Variants in NRXN3 observed in about 807,000 individuals in gnomAD.
NRXN3 encodes the protein neurexin 3.
In NRXN3, 32 loss-of-function variants were observed where a neutral mutation model predicts 137.6. The observed-to-expected ratio is 0.23, with a 90% CI of 0.18 to 0.31. The LOEUF (loss-of-function observed/expected upper bound fraction) is 0.31. NRXN3 is among the 10% of genes least tolerant of loss of function. The probability of loss-of-function intolerance (pLI) is 1.00; values close to 1 mark genes in which losing one functional copy is unlikely to be tolerated. For missense variants in NRXN3, 1,574 were observed against 2,062.5 expected (o/e 0.76, Z 4.59); for synonymous variants, 798 against 784.5 (o/e 1.02, Z -0.29).
At chr14:79,525,227 A>G (rs1475638032) in intron 16 of NRXN3, among the ~76,000 whole-genome samples, 1 of 152,136 alleles carries the variant, frequency 6.6e-6, no homozygotes, top group Non-Finnish European at 1.5e-5. Context: ...ATTTTGGGGT[A>G]TTGTTTACTG....
chr14:79,054,753 A>G (rs2099653641), intron 15 of NRXN3, among the ~76,000 whole-genome samples: 1 of 152,192 alleles, frequency 6.6e-6, no homozygotes, highest in African/African-American at 2.4e-5. Flanking sequence ...AGTTGTTAAC[A>G]GTTTTTAATC....
chr14:78,793,250 AT>A (rs1247848301), intron 8 of NRXN3, among the ~76,000 whole-genome samples: 1 of 152,198 alleles, frequency 6.6e-6, no homozygotes, highest in Admixed American at 6.5e-5. Context: ...AGACATTACA[AT>A]AAAATTCAAG....
At chr14:79,094,155 C>T (rs573074486) in intron 15 of NRXN3, among the ~76,000 whole-genome samples, 138 of 152,088 alleles carry the variant, frequency 9.1e-4, no homozygotes, top group African/African-American at 3.2e-3. Flanking sequence ...TGATCTCTGC[C>T]GGGGAGAAAT....
intron 10 of NRXN3, among the ~76,000 whole-genome samples, chr14:78,896,577 A>G (rs755313805): frequency 2.6e-5 from 4 of 151,848 alleles, no homozygotes; most frequent in Non-Finnish European, 5.9e-5. Flanking sequence ...TTGGTTGAGA[A>G]TTGAGGGAGA....
chr14:78,709,095 T>G, intron 6 of NRXN3, 122 bp from the exon 7 acceptor site: 1 of 787,168 alleles, frequency 1.3e-6, no homozygotes, highest in Non-Finnish European at 2.0e-6. Flanking sequence ...TTGTTTCTCA[T>G]GTTGTTTTGG....
intron 12 of NRXN3, 70 bp downstream of exon 12, chr14:78,966,476 A>G: frequency 6.7e-7 from 1 of 1,500,012 alleles, no homozygotes; most frequent in Admixed American, 2.0e-5. Context: ...AAATATGGAC[A>G]TAAAAATAAC....
intron 20 of NRXN3, among the ~76,000 whole-genome samples, chr14:79,819,616 C>G (rs2141007539): frequency 6.6e-6 from 1 of 151,032 alleles, no homozygotes; most frequent in Admixed American, 6.6e-5. Context: ...GCCTGAGTAG[C>G]TGGGACTAAA....
chr14:79,492,662 G>T (rs1206731662), intron 16 of NRXN3, among the ~76,000 whole-genome samples: 1 of 152,110 alleles, frequency 6.6e-6, no homozygotes, highest in East Asian at 1.9e-4. Context: ...GATTACAGGG[G>T]TTAGCCACCA....
chr14:79,565,308 TACACACAC>T (rs1234959996), intron 16 of NRXN3, among the ~76,000 whole-genome samples: 1 of 132,696 alleles, frequency 7.5e-6, no homozygotes, highest in Admixed American at 7.6e-5. Context: ...TATATACATA[TACACACAC>T]ATGTGTGTGT....
chr14:79,267,282 G>T lies in NRXN3; in HGVS notation c.3263-199939G>T, dbSNP rs566911015. 2.6e-5 allele frequency among the ~76,000 whole-genome samples: 4 copies of T among 151,986 alleles called. No homozygotes were observed. The South Asian group carries it at 6.3e-4, about 24-fold the overall frequency. On this transcript the variant is annotated intron_variant, in intron 15 of 20. Transcript: ENST00000335750. ...ACAGGTAGTGATAATTAAGGATATA[G>T]AATTATTTTCTAAACACGCATAAAT...
intron 4 of NRXN3, among the ~76,000 whole-genome samples, chr14:78,506,680 T>C (rs534632014): frequency 4.7e-5 from 6 of 128,378 alleles, no homozygotes; most frequent in Admixed American, 8.6e-5. Flanking sequence ...TTTTAGGAGA[T>C]GGGGGTCTCA....
rs555813210 is a variant in NRXN3 at position 79,727,540 on chromosome 14, G to A, written c.4014+29603G>A. Among the ~76,000 whole-genome samples, 7 of 152,146 alleles carry A rather than the reference G, an allele frequency of 4.6e-5. No individual in the cohort carries two copies. The East Asian group carries it at 1.4e-3, about 29-fold the overall frequency. ...GGCCCAGAATGAAATAAATGTGGAG[G>A]AACAGAGCCCAAATGACTTGTATGT... On this transcript the variant is annotated intron_variant, in intron 19 of 20. Transcript: ENST00000335750.
At chr14:79,769,876 C>T (rs1467158191) in intron 19 of NRXN3, among the ~76,000 whole-genome samples, 2 of 152,060 alleles carry the variant, frequency 1.3e-5, no homozygotes, top group African/African-American at 4.8e-5. Context: ...ATTCAGGAAA[C>T]CCATCTCACA....
At chr14:78,602,712 G>A (rs1314904473) in intron 4 of NRXN3, among the ~76,000 whole-genome samples, 2 of 152,124 alleles carry the variant, frequency 1.3e-5, no homozygotes, top group Non-Finnish European at 2.9e-5. Context: ...TCAAGACTCT[G>A]AACACCCACA....
Position 79,864,303 on chromosome 14 carries a change from C to A in NRXN3, c.*2339C>A, listed in dbSNP as rs1401687605. On this transcript the variant is annotated 3_prime_UTR_variant, in exon 21 of 21. Transcript: ENST00000335750. ...CATATTCCTGTTTTATTAGCAGAAC[C>A]TAAAGGAATTTATTTAATGATGTTG... The A allele has an allele frequency of 1.3e-5, 2 of 152,578 alleles. No individual in the cohort carries two copies. The highest frequency in any genetic ancestry group is 2.4e-5 in the African/African-American group (1 of 41,438). 9.5% of individuals were successfully genotyped at this position (152,578 alleles called of 1,614,324 possible).
chr14:79,508,769 G>A (rs2153686475), intron 16 of NRXN3, among the ~76,000 whole-genome samples: 1 of 152,244 alleles, frequency 6.6e-6, no homozygotes, highest in East Asian at 1.9e-4. Flanking sequence ...GAGAAAAACA[G>A]GGTTCAGTTT....
chr14:79,637,449 G>A (rs952639850), intron 16 of NRXN3, among the ~76,000 whole-genome samples: 1 of 152,074 alleles, frequency 6.6e-6, no homozygotes, highest in Non-Finnish European at 1.5e-5. Context: ...TAGCAATAGT[G>A]GAGGGAGAGC....
At chr14:79,027,039 A>G (rs887988358) in intron 15 of NRXN3, among the ~76,000 whole-genome samples, 4 of 142,248 alleles carry the variant, frequency 2.8e-5, no homozygotes, top group African/African-American at 1.1e-4. Flanking sequence ...ACCTCCCACT[A>G]CCCCAAAAAG....
At chr14:78,674,338 A>G (rs2152723867) in intron 6 of NRXN3, among the ~76,000 whole-genome samples, 1 of 152,310 alleles carries the variant, frequency 6.6e-6, no homozygotes, top group South Asian at 2.1e-4. Flanking sequence ...TCTGCAAATA[A>G]TGGGGGACCT....
Sources: gnomAD v4.1 joint callset for allele counts (sites outside exome capture counted in the v4.1 genomes callset) on GRCh38, gnomAD v4.1.1 for gene constraint, MANE v1.5 for transcripts, NCBI Gene and HGNC (gene_info 2026-07-23, HGNC 2026-07-21) for gene names.